CALCR: variants seen among roughly 807,000 people sequenced by gnomAD.
CALCR encodes calcitonin receptor.
In CALCR, 47 loss-of-function variants were observed where a neutral mutation model predicts 59.5. That is an observed-to-expected ratio of 0.79 (90% CI 0.63 to 1.01). The LOEUF (loss-of-function observed/expected upper bound fraction) is 1.01. CALCR is among the 50% of genes least tolerant of loss of function. The pLI, the probability that CALCR is intolerant of heterozygous loss-of-function variation, is 0.00. For missense variants in CALCR, 566 were observed against 597.1 expected (o/e 0.95, Z 0.54); for synonymous variants, 213 against 211.3 (o/e 1.01, Z -0.07).
intron 2 of CALCR, among the ~76,000 whole-genome samples, chr7:93,493,986 C>CTCACCCA (rs1801141944): frequency 6.6e-6 from 1 of 151,324 alleles, no homozygotes. Context: ...ACAAAGAAGT[C>CTCACCCA]ATAGACATAC....
chr7:93,510,516 T>G (rs1310346531), intron 2 of CALCR, among the ~76,000 whole-genome samples: 2 of 152,110 alleles, frequency 1.3e-5, no homozygotes, highest in Non-Finnish European at 2.9e-5. Context: ...CACTGCAGCT[T>G]GCACATGTAT....
intron 8 of CALCR, among the ~76,000 whole-genome samples, chr7:93,446,733 G>T (rs886610612): frequency 3.3e-5 from 5 of 151,944 alleles, no homozygotes; most frequent in Non-Finnish European, 4.4e-5. Flanking sequence ...GCAGCATGGG[G>T]TATTAAGGAA....
intron 3 of CALCR, among the ~76,000 whole-genome samples, chr7:93,485,236 A>G (rs1339754836): frequency 6.6e-6 from 1 of 151,624 alleles, no homozygotes; most frequent in East Asian, 2.0e-4. Flanking sequence ...GCACAAACCC[A>G]TTTAAGTGCC....
chr7:93,501,917 C>T (rs189353766), intron 2 of CALCR, among the ~76,000 whole-genome samples: 1 of 152,112 alleles, frequency 6.6e-6, no homozygotes, highest in Non-Finnish European at 1.5e-5. Context: ...GGGTCCTGAA[C>T]TAATTGCTGC....
chr7:93,491,133 C>G (rs1028922050), intron 2 of CALCR, among the ~76,000 whole-genome samples: 10 of 151,954 alleles, frequency 6.6e-5, no homozygotes, highest in African/African-American at 2.4e-4. Context: ...CTTCAACAAA[C>G]CTGACAAATA....
chr7:93,557,253 T>C (rs151008105), intron 2 of CALCR, among the ~76,000 whole-genome samples: 1,946 of 152,028 alleles, frequency 0.013, 22 homozygotes, highest in Middle Eastern at 0.051. Context: ...ACACATCTGA[T>C]AGTTTTTATT....
At position 93,443,694 on chromosome 7, in the gene CALCR, G is replaced by A. The variant is rs1006907345; in HGVS notation, c.712C>T (p.Leu238Phe). The A allele has an allele frequency of 2.5e-6, 4 of 1,612,746 alleles. No homozygotes were observed. The highest frequency in any genetic ancestry group is 2.7e-5 in the African/African-American group (2 of 74,850). ...GTATGAAGATAGATCCCTTCACAGA[G>A]CATCCAGAAATAGTTGCAGGCCATC... ...YMMACNYFWM[L>F]CEGIYLHTLI... Residue 238 changes from leucine to phenylalanine, a missense_variant, in exon 9 of 14, where the codon CTC (leucine) becomes TTC (phenylalanine). Physicochemically the swap from Leu to Phe is conservative, Grantham distance 22 (BLOSUM62 0). Coordinates refer to ENST00000426151, the MANE Select transcript of CALCR (RefSeq NM_001742.4).
intron 2 of CALCR, among the ~76,000 whole-genome samples, chr7:93,507,274 G>C (rs577544226): frequency 1.3e-5 from 2 of 151,894 alleles, no homozygotes; most frequent in East Asian, 3.9e-4. Context: ...AGACTAATAA[G>C]GTGAGAAAGT....
chr7:93,518,815 A>G (rs929115927), intron 2 of CALCR, among the ~76,000 whole-genome samples: 7 of 151,972 alleles, frequency 4.6e-5, no homozygotes, highest in Non-Finnish European at 1.0e-4. Flanking sequence ...AATAAACTGT[A>G]CATTAATATT....
rs760165058 is a variant in CALCR at position 93,426,326 on chromosome 7, A to G, written c.*30T>C. ...TCTTTCTCCCAGGAAATGATGGCTC[A>G]GTGATCACGATGCTGTGTTTGCTTC... On this transcript the variant is annotated 3_prime_UTR_variant, in exon 14 of 14. Coordinates refer to ENST00000426151, the MANE Select transcript of CALCR (RefSeq NM_001742.4). 33 of 1,215,646 alleles carry G rather than the reference A, an allele frequency of 2.7e-5. No homozygotes were observed. Among genetic ancestry groups the G allele is most frequent in the Non-Finnish European group, 3.9e-5 (32 of 818,118 alleles). 75.3% of individuals were successfully genotyped at this position (1,215,646 alleles called of 1,614,324 possible).
chr7:93,514,589 C>G (rs1447855607), intron 2 of CALCR, among the ~76,000 whole-genome samples: 1 of 151,862 alleles, frequency 6.6e-6, no homozygotes, highest in African/African-American at 2.4e-5. Context: ...TTGCTGCTAC[C>G]AAATCTAAGG....
chr7:93,486,511 T>C (rs1294678916), intron 3 of CALCR, among the ~76,000 whole-genome samples: 1 of 151,490 alleles, frequency 6.6e-6, no homozygotes, highest in Non-Finnish European at 1.5e-5. Context: ...TTTAAAAGAA[T>C]TGAACAGCCC....
At chr7:93,520,532 TA>T (rs1231403528) in intron 2 of CALCR, among the ~76,000 whole-genome samples, 1 of 152,156 alleles carries the variant, frequency 6.6e-6, no homozygotes, top group African/African-American at 2.4e-5. Context: ...TTTGTATAAG[TA>T]AATGTTGCTG....
At chr7:93,524,460 G>A (rs1268739636) in intron 2 of CALCR, among the ~76,000 whole-genome samples, 2 of 151,964 alleles carry the variant, frequency 1.3e-5, no homozygotes, top group Non-Finnish European at 2.9e-5. Flanking sequence ...GTGAAACACC[G>A]TGCCCAGCCT....
At chr7:93,458,693 G>A (rs967452775) in intron 8 of CALCR, among the ~76,000 whole-genome samples, 1 of 152,006 alleles carries the variant, frequency 6.6e-6, no homozygotes, top group African/African-American at 2.4e-5. Flanking sequence ...TTCAGTTTCC[G>A]CAGGGCCTCC....
intron 9 of CALCR, among the ~76,000 whole-genome samples, chr7:93,439,907 G>A (rs1338092922): frequency 1.3e-5 from 2 of 152,064 alleles, no homozygotes; most frequent in Non-Finnish European, 2.9e-5. Context: ...GAGAGAAATC[G>A]ACTACTAAGT....
chr7:93,569,606 G>C (rs1016261555), intron 2 of CALCR, among the ~76,000 whole-genome samples: 1 of 152,102 alleles, frequency 6.6e-6, no homozygotes, highest in Non-Finnish European at 1.5e-5. Context: ...ATACCACAGG[G>C]CTGTATAATG....
At chr7:93,495,315 A>G (rs1191493321) in intron 2 of CALCR, among the ~76,000 whole-genome samples, 2 of 151,396 alleles carry the variant, frequency 1.3e-5, no homozygotes, top group African/African-American at 4.8e-5. Flanking sequence ...TTCTTGATGA[A>G]TTACCATCTC....
rs1239768620 is a variant in CALCR, at chr7:93,549,269, T to A, written c.-27+25020A>T. On this transcript the variant is annotated intron_variant, in intron 2 of 13. Transcript: ENST00000426151. ...TAAAATCTGAATGATGAGAAAGTATTCTTAGACCAATTTTTTTTTGTAAGT... is the reference window on the plus strand; with the variant it reads ...TAAAATCTGAATGATGAGAAAGTATACTTAGACCAATTTTTTTTTGTAAGT... Among the ~76,000 whole-genome samples, 4 of 151,050 alleles carry A rather than the reference T, an allele frequency of 2.6e-5. No individual in the cohort carries two copies. In the East Asian group the frequency reaches 7.7e-4, roughly 29 times the overall value.
Sources: allele counts gnomAD v4.1 joint callset (sites outside exome capture counted in the v4.1 genomes callset), GRCh38; gene constraint gnomAD v4.1.1; transcripts MANE v1.5; gene names NCBI Gene and HGNC (gene_info 2026-07-23, HGNC 2026-07-21).